Variants in WDR72 observed in about 807,000 individuals in gnomAD.
The protein encoded by WDR72 is WD repeat-containing protein 72.
WDR72 carries 120 observed loss-of-function variants against 124.2 expected under a neutral mutation model. That is an observed-to-expected ratio of 0.97 (90% CI 0.83 to 1.12). The LOEUF (loss-of-function observed/expected upper bound fraction) is 1.12. WDR72 is among the 50% of genes most tolerant of loss of function. The probability of loss-of-function intolerance (pLI) is 0.00; values close to 1 mark genes in which losing one functional copy is unlikely to be tolerated. For synonymous variants in WDR72, 452 were observed against 441.7 expected, an observed-to-expected ratio of 1.02 and a Z score of -0.29; for missense variants, 1,387 against 1,278.8, an observed-to-expected ratio of 1.08 and a Z score of -1.29.
At chr15:53,603,202 T>C (rs1239206358) in intron 17 of WDR72, among the ~76,000 whole-genome samples, 6 of 152,048 alleles carry the variant, frequency 3.9e-5, no homozygotes, top group Non-Finnish European at 8.8e-5. Flanking sequence ...TCAATAAATA[T>C]GATTCATCAC....
chr15:53,536,342 T>C (rs1285018803), intron 18 of WDR72, among the ~76,000 whole-genome samples: 1 of 152,192 alleles, frequency 6.6e-6, no homozygotes, highest in African/African-American at 2.4e-5. Context: ...GAACTACAGC[T>C]GGTAGTTCTA....
chr15:53,741,968 T>A (rs925325560), intron 1 of WDR72, among the ~76,000 whole-genome samples: 19 of 152,154 alleles, frequency 1.2e-4, no homozygotes, highest in Admixed American at 9.8e-4. Flanking sequence ...CCTCAAGTGA[T>A]CTGCCAGCCT....
rs185125101 is a variant in WDR72 at position 53,527,845 on chromosome 15, A to G, written c.3149-4523T>C. Among the ~76,000 whole-genome samples the G allele has an allele frequency of 2.6e-5, 4 of 152,168 alleles. No individual in the cohort carries two copies. In the East Asian group the frequency reaches 7.8e-4, roughly 30 times the overall value. On this transcript the variant is annotated intron_variant, in intron 18 of 19. Transcript: ENST00000360509. ...CCTGTGAAATAAGCAGTGAAAAAGA[A>G]CTCAAAGATTTGAATTCAAAGTTAC...
intron 2 of WDR72, among the ~76,000 whole-genome samples, chr15:53,725,075 C>T (rs1434949961): frequency 6.6e-6 from 1 of 151,862 alleles, no homozygotes; most frequent in Admixed American, 6.6e-5. Flanking sequence ...GACTATTATC[C>T]AAAATACACA....
At chr15:53,594,423 A>G (rs527758683) in intron 18 of WDR72, among the ~76,000 whole-genome samples, 5 of 152,196 alleles carry the variant, frequency 3.3e-5, no homozygotes, top group African/African-American at 9.6e-5. Flanking sequence ...AAAATGACAT[A>G]TGTTGCAATG....
chr15:53,555,426 G>C (rs1455541036), intron 18 of WDR72, among the ~76,000 whole-genome samples: 2 of 151,884 alleles, frequency 1.3e-5, no homozygotes, highest in Non-Finnish European at 2.9e-5. Context: ...AATGTAGGGG[G>C]AGAGAGATAA....
chr15:53,675,816 G>A (rs549807591), intron 13 of WDR72, among the ~76,000 whole-genome samples: 31 of 152,258 alleles, frequency 2.0e-4, no homozygotes, highest in Middle Eastern at 6.8e-3. Flanking sequence ...TTGGGGTATG[G>A]TCTCTTGAAT....
chr15:53,540,591 G>C (rs1893043829), intron 18 of WDR72, among the ~76,000 whole-genome samples: 1 of 149,272 alleles, frequency 6.7e-6, no homozygotes, highest in African/African-American at 2.5e-5. Context: ...AAAAACAAGA[G>C]GAAAGAAAGA....
At chr15:53,548,755 T>C (rs1187611284) in intron 18 of WDR72, among the ~76,000 whole-genome samples, 3 of 152,128 alleles carry the variant, frequency 2.0e-5, no homozygotes, top group African/African-American at 7.2e-5. Flanking sequence ...AAAAACTAGT[T>C]CTGACCCCTT....
intron 1 of WDR72, among the ~76,000 whole-genome samples, chr15:53,758,934 G>A (rs1290888744): frequency 6.6e-6 from 1 of 152,112 alleles, no homozygotes. Flanking sequence ...TATTCCCAGT[G>A]CATCACCTTT....
intron 12 of WDR72, among the ~76,000 whole-genome samples, chr15:53,701,557 TCTCA>T (rs1377806132): frequency 1.2e-4 from 14 of 112,328 alleles, no homozygotes; most frequent in South Asian, 3.2e-4. Context: ...TCTCTCTCTC[TCTCA>T]CACACACACA....
chr15:53,741,458 T>C (rs2018507136), intron 1 of WDR72, among the ~76,000 whole-genome samples: 1 of 152,166 alleles, frequency 6.6e-6, no homozygotes, highest in Non-Finnish European at 1.5e-5. Context: ...GCTTTTACCA[T>C]TTATAACCGT....
chr15:53,645,054 C>T (rs944568839), intron 14 of WDR72, among the ~76,000 whole-genome samples: 2 of 152,136 alleles, frequency 1.3e-5, no homozygotes, highest in African/African-American at 4.8e-5. Context: ...TGTTTTCTTT[C>T]AGCAATGACT....
chr15:53,660,023 A>ATCTATT (rs577315618), intron 14 of WDR72, among the ~76,000 whole-genome samples: 29 of 152,134 alleles, frequency 1.9e-4, no homozygotes, highest in South Asian at 2.1e-4. Flanking sequence ...TAAAATAAAA[A>ATCTATT]TCTATTTATT....
intron 14 of WDR72, among the ~76,000 whole-genome samples, chr15:53,646,748 C>T (rs1406635741): frequency 6.6e-6 from 1 of 151,980 alleles, no homozygotes; most frequent in Non-Finnish European, 1.5e-5. Flanking sequence ...AAAATATCCT[C>T]TCTAGGAACT....
intron 13 of WDR72, among the ~76,000 whole-genome samples, chr15:53,666,672 C>G (rs1177116280): frequency 6.6e-6 from 1 of 151,966 alleles, no homozygotes; most frequent in Non-Finnish European, 1.5e-5. Flanking sequence ...TCTTTTCCAC[C>G]AATGAGAAAG....
intron 13 of WDR72, among the ~76,000 whole-genome samples, chr15:53,681,361 T>C (rs1202242246): frequency 6.6e-6 from 1 of 152,162 alleles, no homozygotes; most frequent in Non-Finnish European, 1.5e-5. Context: ...CCAAGTGTCA[T>C]ATAAAATGCT....
intron 18 of WDR72, among the ~76,000 whole-genome samples, chr15:53,544,224 AC>A (rs1444686004): frequency 1.4e-5 from 2 of 142,662 alleles, no homozygotes; most frequent in Non-Finnish European, 3.0e-5. Flanking sequence ...AGAATTTTAG[AC>A]CAATATCCTT....
intron 3 of WDR72, among the ~76,000 whole-genome samples, chr15:53,721,577 T>C (rs777354158): frequency 1.3e-5 from 2 of 152,208 alleles, no homozygotes; most frequent in Admixed American, 6.5e-5. Flanking sequence ...TTACAATTAA[T>C]GATTTACTAT....
Sources: allele counts gnomAD v4.1 joint callset (sites outside exome capture counted in the v4.1 genomes callset), GRCh38; gene constraint gnomAD v4.1.1; transcripts MANE v1.5; gene names NCBI Gene and HGNC (gene_info 2026-07-23, HGNC 2026-07-21).